The following MSRA variants were observed in gnomAD, a reference collection of about 807,000 sequenced individuals.
MSRA encodes mitochondrial peptide methionine sulfoxide reductase.
Under a neutral mutation model 31.3 loss-of-function variants are expected in MSRA, and 54 were observed. That is an observed-to-expected ratio of 1.73 (90% CI 1.39 to 2.17). MSRA has a LOEUF of 2.17. Ranked by LOEUF, MSRA falls within the 30% of genes most tolerant of loss-of-function variation. The pLI is 0.00. For synonymous variants in MSRA, 169 were observed against 116.5 expected, an observed-to-expected ratio of 1.45 and a Z score of -2.90; for missense variants, 507 against 300.9, an observed-to-expected ratio of 1.69 and a Z score of -5.07.
chr8:10,158,939 T>C (rs758744537), intron 1 of MSRA, among the ~76,000 whole-genome samples: 3 of 152,234 alleles, frequency 2.0e-5, no homozygotes, highest in African/African-American at 7.2e-5. Flanking sequence ...TGAAATGTTA[T>C]CTCATTGTAA....
At chr8:10,251,866 G>C (rs989554988) in intron 3 of MSRA, among the ~76,000 whole-genome samples, 2 of 150,972 alleles carry the variant, frequency 1.3e-5, no homozygotes, top group African/African-American at 2.4e-5. Context: ...CATGGTGGGG[G>C]GGGGGGGACA....
Position 10,098,296 on chromosome 8 carries a change from G to A in MSRA, c.142+43638G>A, listed in dbSNP as rs113720646. On this transcript the variant is annotated intron_variant, in intron 1 of 5. Transcript: ENST00000317173. ...TATAATATTTTGAAGTAAAATTATT[G>A]AGGCAGAAATGCGTTAATATTTAAC... is the stretch of plus-strand genomic sequence containing the variant. Among the ~76,000 whole-genome samples, 350 of 152,098 alleles carry A rather than the reference G, an allele frequency of 2.3e-3. 2 individuals carry two copies. The highest frequency in any genetic ancestry group is 7.9e-3 in the African/African-American group (328 of 41,490).
At chr8:10,270,692 T>G (rs1271360055) in intron 3 of MSRA, among the ~76,000 whole-genome samples, 2 of 152,242 alleles carry the variant, frequency 1.3e-5, no homozygotes, top group African/African-American at 4.8e-5. Context: ...TGAGGTTCTG[T>G]GATTTCATAA....
intron 5 of MSRA, among the ~76,000 whole-genome samples, chr8:10,373,149 C>A (rs528488781): frequency 6.6e-6 from 1 of 152,354 alleles, no homozygotes; most frequent in South Asian, 2.1e-4. Flanking sequence ...CTTCGGCCTC[C>A]CAAAGTGTAG....
rs559729937 is a variant in MSRA, at chr8:10,112,598, G to C, written c.142+57940G>C. ...GTGATTACATGGAATACTCATGAAAGGATATTTCTTGAGCACCTACTATGT... is the reference window on the plus strand; with the variant it reads ...GTGATTACATGGAATACTCATGAAACGATATTTCTTGAGCACCTACTATGT... On this transcript the variant is annotated intron_variant, in intron 1 of 5. Transcript: ENST00000317173. Among the ~76,000 whole-genome samples, 33 of 152,312 alleles carry C rather than the reference G, an allele frequency of 2.2e-4. No individual in the cohort carries two copies. The South Asian group carries it at 6.4e-3, about 30-fold the overall frequency.
intron 2 of MSRA, among the ~76,000 whole-genome samples, chr8:10,210,357 C>G (rs1050938646): frequency 1.3e-5 from 2 of 152,194 alleles, no homozygotes; most frequent in African/African-American, 4.8e-5. Context: ...TCTCTCTGCA[C>G]TGGTTCAAGG....
chr8:10,184,975 G>C (rs1160255002), intron 1 of MSRA, among the ~76,000 whole-genome samples: 2 of 152,208 alleles, frequency 1.3e-5, no homozygotes, highest in Non-Finnish European at 2.9e-5. Context: ...TAAACAGTTT[G>C]CATATGTAGC....
intron 1 of MSRA, among the ~76,000 whole-genome samples, chr8:10,148,069 G>A (rs1381396524): frequency 6.6e-6 from 1 of 152,212 alleles, no homozygotes; most frequent in Non-Finnish European, 1.5e-5. Flanking sequence ...TGAGACCCCA[G>A]CCTGGCAAAG....
chr8:10,201,746 A>T (rs1057480334), intron 1 of MSRA, among the ~76,000 whole-genome samples: 2 of 152,196 alleles, frequency 1.3e-5, no homozygotes, highest in African/African-American at 4.8e-5. Flanking sequence ...CAACATCCAG[A>T]AGTTGACTTT....
chr8:10,324,916 G>A (rs989702513), intron 5 of MSRA, among the ~76,000 whole-genome samples: 1 of 152,222 alleles, frequency 6.6e-6, no homozygotes, highest in Non-Finnish European at 1.5e-5. Context: ...CTGCACATGT[G>A]TGAGCTCAGG....
intron 5 of MSRA, among the ~76,000 whole-genome samples, chr8:10,409,756 T>C (rs754951750): frequency 5.3e-5 from 8 of 152,214 alleles, no homozygotes; most frequent in Non-Finnish European, 1.2e-4. Context: ...TTTAATAGAC[T>C]CAATCAAGAT....
chr8:10,220,222 G>A (rs1013562239), intron 2 of MSRA, among the ~76,000 whole-genome samples: 1 of 152,194 alleles, frequency 6.6e-6, no homozygotes, highest in Non-Finnish European at 1.5e-5. Flanking sequence ...CTTACACAAA[G>A]AATTATATTT....
At chr8:10,250,635 G>T (rs1329729996) in intron 3 of MSRA, 1 of 608,284 alleles carries the variant, frequency 1.6e-6, no homozygotes, top group South Asian at 2.0e-5. Context: ...CAGAGGTTTC[G>T]AGCAGGAGCC....
chr8:10,201,141 A>G (rs531251355), intron 1 of MSRA, among the ~76,000 whole-genome samples: 42 of 152,026 alleles, frequency 2.8e-4, no homozygotes, highest in Non-Finnish European at 5.6e-4. Flanking sequence ...GATTTTTACC[A>G]TATTACTGAG....
chr8:10,356,394 CT>C (rs1482649722), intron 5 of MSRA, among the ~76,000 whole-genome samples: 1 of 152,176 alleles, frequency 6.6e-6, no homozygotes, highest in African/African-American at 2.4e-5. Context: ...GCTAGTCCCC[CT>C]AAGAGCCTCT....
chr8:10,149,522 C>G (rs1424163965), intron 1 of MSRA, among the ~76,000 whole-genome samples: 1 of 152,194 alleles, frequency 6.6e-6, no homozygotes, highest in East Asian at 1.9e-4. Context: ...CTTATTACAA[C>G]TTACATCGCC....
At chr8:10,089,817 C>G (rs1198527870) in intron 1 of MSRA, among the ~76,000 whole-genome samples, 1 of 152,292 alleles carries the variant, frequency 6.6e-6, no homozygotes, top group South Asian at 2.1e-4. Context: ...AACCCAGTCT[C>G]AGGGAACGAA....
At chr8:10,095,467 C>G (rs1475887413) in intron 1 of MSRA, 21 of 985,390 alleles carry the variant, frequency 2.1e-5, no homozygotes, top group Non-Finnish European at 2.5e-5. Flanking sequence ...CAAAGGACAT[C>G]TTTTGGAGAC....
intron 1 of MSRA, chr8:10,095,751 C>G (rs1799111040): frequency 1.8e-6 from 2 of 1,136,238 alleles, no homozygotes; most frequent in Non-Finnish European, 1.1e-6. Flanking sequence ...TTTTAAGTCT[C>G]TTGGGCTATT....
Sources: allele counts gnomAD v4.1 joint callset (sites outside exome capture counted in the v4.1 genomes callset), GRCh38; gene constraint gnomAD v4.1.1; transcripts MANE v1.5; gene names NCBI Gene and HGNC (gene_info 2026-07-23, HGNC 2026-07-21).